The following ADAM32 variants were observed in gnomAD, a reference collection of about 807,000 sequenced individuals.
ADAM32 encodes the protein ADAM metallopeptidase domain 32.
In ADAM32, 89 loss-of-function variants were observed where a neutral mutation model predicts 114.9. That is an observed-to-expected ratio of 0.77 (90% CI 0.65 to 0.92). The LOEUF (loss-of-function observed/expected upper bound fraction) is 0.92. ADAM32 is among the 40% of genes least tolerant of loss of function. The probability of loss-of-function intolerance (pLI) is 0.00; values close to 1 mark genes in which losing one functional copy is unlikely to be tolerated. For synonymous variants in ADAM32, 285 were observed against 307.5 expected (o/e 0.93, Z 0.77); for missense variants, 870 against 932.8 (o/e 0.93, Z 0.88).
chr8:39,146,826 T>C (rs959494269), intron 3 of ADAM32, among the ~76,000 whole-genome samples: 2 of 152,240 alleles, frequency 1.3e-5, no homozygotes, highest in African/African-American at 2.4e-5. Context: ...AAACATTAAA[T>C]ATATGTCAAA....
At chr8:39,225,782 A>AGTAAGATTT (rs1311092866) in intron 14 of ADAM32, among the ~76,000 whole-genome samples, 1 of 103,506 alleles carries the variant, frequency 9.7e-6, no homozygotes, top group Non-Finnish European at 2.4e-5. Flanking sequence ...CCACCCATGG[A>AGTAAGATTT]GTAAGATTTT....
At chr8:39,270,725 A>C (rs551417827) in intron 19 of ADAM32, 151 bp from the exon 20 acceptor site, 1 of 662,218 alleles carries the variant, frequency 1.5e-6, no homozygotes, top group African/African-American at 1.9e-5. Context: ...ATTTATTTGC[A>C]TCTGTGTTCA....
intron 19 of ADAM32, among the ~76,000 whole-genome samples, chr8:39,267,675 A>G (rs1812452179): frequency 6.6e-6 from 1 of 152,190 alleles, no homozygotes; most frequent in Admixed American, 6.5e-5. Flanking sequence ...AGCACCCCAA[A>G]CAGAGGAAAG....
At chr8:39,198,732 G>A (rs547104997) in intron 11 of ADAM32, among the ~76,000 whole-genome samples, 24 of 79,410 alleles carry the variant, frequency 3.0e-4, no homozygotes, top group East Asian at 1.2e-3. Flanking sequence ...TTGTGATAGC[G>A]TTTAACATTT....
intron 3 of ADAM32, among the ~76,000 whole-genome samples, chr8:39,139,711 G>A (rs977070367): frequency 1.3e-5 from 2 of 152,172 alleles, no homozygotes; most frequent in Non-Finnish European, 2.9e-5. Context: ...ATTCTGTGAA[G>A]AAAGTCATTG....
At chr8:39,211,360 T>G (rs1246595979) in intron 12 of ADAM32, 36 bp downstream of exon 12, 2 of 1,412,042 alleles carry the variant, frequency 1.4e-6, no homozygotes, top group Non-Finnish European at 1.9e-6. Flanking sequence ...ATTAATAAAT[T>G]TATTGTTTTA....
At chr8:39,133,604 A>G (rs1802594822) in intron 2 of ADAM32, among the ~76,000 whole-genome samples, 1 of 152,138 alleles carries the variant, frequency 6.6e-6, no homozygotes, top group South Asian at 2.1e-4. Flanking sequence ...GGTGCATGTG[A>G]ACACCATTAC....
intron 17 of ADAM32, among the ~76,000 whole-genome samples, chr8:39,248,434 AT>A (rs1811072701): frequency 6.6e-6 from 1 of 151,910 alleles, no homozygotes; most frequent in Non-Finnish European, 1.5e-5. Context: ...CAAGTACTTC[AT>A]TTTTTGGGGG....
At chr8:39,261,628 C>T (rs1367828597) in intron 19 of ADAM32, among the ~76,000 whole-genome samples, 1 of 152,130 alleles carries the variant, frequency 6.6e-6, no homozygotes, top group African/African-American at 2.4e-5. Context: ...TGAGGAGCTG[C>T]CCTGCTGTTC....
chr8:39,191,486 C>T (rs1405412149), intron 11 of ADAM32, among the ~76,000 whole-genome samples: 1 of 152,170 alleles, frequency 6.6e-6, no homozygotes, highest in East Asian at 1.9e-4. Context: ...TTTTGATGTG[C>T]ATTTCTCAAA....
chr8:39,169,310 C>A (rs1805049552), intron 9 of ADAM32: 1 of 152,218 alleles, frequency 6.6e-6, no homozygotes, highest in Admixed American at 6.5e-5. Flanking sequence ...AATCATGCTA[C>A]CTTGAGAGAG....
chr8:39,277,160 C>T (rs1813126263), intron 22 of ADAM32, among the ~76,000 whole-genome samples: 1 of 152,190 alleles, frequency 6.6e-6, no homozygotes. Context: ...ATCTCTCACC[C>T]TGAAACCCTG....
chr8:39,192,843 T>A (rs920170141), intron 11 of ADAM32, among the ~76,000 whole-genome samples: 5 of 152,240 alleles, frequency 3.3e-5, no homozygotes, highest in African/African-American at 1.2e-4. Flanking sequence ...AATATTGGCC[T>A]CTGGTCTCTT....
intron 4 of ADAM32, among the ~76,000 whole-genome samples, chr8:39,147,465 G>A (rs577857273): frequency 3.7e-4 from 56 of 151,730 alleles, no homozygotes; most frequent in African/African-American, 1.3e-3. Flanking sequence ...TATTTTGTTT[G>A]TAAGAATATA....
At chr8:39,178,592 A>T (rs1805659842) in intron 10 of ADAM32, among the ~76,000 whole-genome samples, 1 of 152,160 alleles carries the variant, frequency 6.6e-6, no homozygotes, top group Admixed American at 6.5e-5. Context: ...AGGAGCAGAG[A>T]CATTCTGGCT....
At chr8:39,254,309 A>T in intron 17 of ADAM32, 105 bp from the exon 18 acceptor site, 1 of 941,374 alleles carries the variant, frequency 1.1e-6, no homozygotes, top group Non-Finnish European at 1.6e-6. Flanking sequence ...TGTCGCTCTA[A>T]ATAAACAAAA....
intron 7 of ADAM32, among the ~76,000 whole-genome samples, chr8:39,162,620 G>A (rs990024601): frequency 2.0e-5 from 3 of 151,906 alleles, no homozygotes; most frequent in Admixed American, 6.5e-5. Context: ...ACAGTGTGAT[G>A]ATTCCAAATT....
At chr8:39,208,320 T>C (rs1807982817) in intron 11 of ADAM32, among the ~76,000 whole-genome samples, 1 of 152,134 alleles carries the variant, frequency 6.6e-6, no homozygotes, top group Non-Finnish European at 1.5e-5. Flanking sequence ...AACTCCCTTC[T>C]CCCCAATTTT....
intron 1 of ADAM32, among the ~76,000 whole-genome samples, chr8:39,117,445 C>CT (rs796176707): frequency 3.9e-4 from 57 of 146,212 alleles, no homozygotes; most frequent in South Asian, 1.9e-3. Flanking sequence ...CACATGTGAA[C>CT]TTTTTTTTTT....
Sources: gnomAD v4.1 joint callset for allele counts (sites outside exome capture counted in the v4.1 genomes callset) on GRCh38, gnomAD v4.1.1 for gene constraint, MANE v1.5 for transcripts, NCBI Gene and HGNC (gene_info 2026-07-23, HGNC 2026-07-21) for gene names.